The following CCSER1 variants were observed in gnomAD, a reference collection of about 807,000 sequenced individuals.
CCSER1 encodes the protein coiled-coil serine rich protein 1.
In CCSER1, 41 loss-of-function variants were observed where a neutral mutation model predicts 82.0. That is an observed-to-expected ratio of 0.50 (90% CI 0.39 to 0.65). The LOEUF (loss-of-function observed/expected upper bound fraction) is 0.65. CCSER1 is among the 30% of genes least tolerant of loss of function. The pLI, the probability that CCSER1 is intolerant of heterozygous loss-of-function variation, is 0.00. For synonymous variants in CCSER1, 414 were observed against 383.9 expected, an observed-to-expected ratio of 1.08 and a Z score of -0.92; for missense variants, 1,119 against 1,064.2, an observed-to-expected ratio of 1.05 and a Z score of -0.72.
At chr4:90,295,724 C>A (rs1032126258) in intron 1 of CCSER1, among the ~76,000 whole-genome samples, 1 of 152,006 alleles carries the variant, frequency 6.6e-6, no homozygotes, top group African/African-American at 2.4e-5. Flanking sequence ...CAAAGACCAG[C>A]CCCTGTCTTA....
At chr4:90,285,477 T>A (rs1272322068) in intron 1 of CCSER1, among the ~76,000 whole-genome samples, 1 of 152,122 alleles carries the variant, frequency 6.6e-6, no homozygotes, top group Non-Finnish European at 1.5e-5. Flanking sequence ...TACTGATTTT[T>A]GTATGTTGTT....
At chr4:90,548,867 C>T (rs1004158110) in intron 5 of CCSER1, among the ~76,000 whole-genome samples, 3 of 151,898 alleles carry the variant, frequency 2.0e-5, no homozygotes, top group South Asian at 2.1e-4. Context: ...TCAAAAGAAT[C>T]GTTTGAAAGA....
intron 10 of CCSER1, among the ~76,000 whole-genome samples, chr4:91,587,587 G>A (rs575399991): frequency 5.3e-5 from 8 of 151,538 alleles, no homozygotes; most frequent in East Asian, 3.9e-4. Context: ...TTTTTATTCC[G>A]TAAACGTAAC....
intron 10 of CCSER1, among the ~76,000 whole-genome samples, chr4:91,363,650 G>T (rs1254986978): frequency 6.6e-6 from 1 of 151,626 alleles, no homozygotes; most frequent in Admixed American, 6.6e-5. Context: ...AATATCTCCA[G>T]TTAGAGCTTT....
intron 9 of CCSER1, among the ~76,000 whole-genome samples, chr4:91,010,677 T>G (rs1365060050): frequency 7.4e-6 from 1 of 135,344 alleles, no homozygotes; most frequent in African/African-American, 2.5e-5. Flanking sequence ...TTCTTTCTTC[T>G]GATTCACCTA....
chr4:90,998,308 G>A (rs1581293306), intron 9 of CCSER1, among the ~76,000 whole-genome samples: 1 of 152,024 alleles, frequency 6.6e-6, no homozygotes, highest in African/African-American at 2.4e-5. Context: ...TCAAACTCCG[G>A]ACCTCAGGTG....
chr4:90,989,428 C>T (rs1253683346), intron 9 of CCSER1, among the ~76,000 whole-genome samples: 1 of 151,718 alleles, frequency 6.6e-6, no homozygotes, highest in Non-Finnish European at 1.5e-5. Flanking sequence ...AAAAGATCTG[C>T]TTATCCTCAC....
intron 4 of CCSER1, among the ~76,000 whole-genome samples, chr4:90,416,199 A>G (rs1289427383): frequency 1.3e-5 from 2 of 152,102 alleles, no homozygotes; most frequent in South Asian, 2.1e-4. Context: ...ATTCAATCTT[A>G]TTTATCAATT....
intron 8 of CCSER1, among the ~76,000 whole-genome samples, chr4:90,841,577 C>CAAAAAA (rs750390139): frequency 1.4e-4 from 7 of 50,780 alleles, no homozygotes; most frequent in South Asian, 7.2e-4. Flanking sequence ...GACTCTGTCT[C>CAAAAAA]AAAAAAAAAA....
intron 9 of CCSER1, among the ~76,000 whole-genome samples, chr4:91,058,299 A>G (rs1220601367): frequency 6.6e-6 from 1 of 152,050 alleles, no homozygotes; most frequent in East Asian, 1.9e-4. Context: ...ACCATGGAAT[A>G]CTATGCAGCT....
intron 9 of CCSER1, among the ~76,000 whole-genome samples, chr4:90,929,015 C>T (rs1407819378): frequency 6.6e-6 from 1 of 152,122 alleles, no homozygotes; most frequent in Non-Finnish European, 1.5e-5. Context: ...ATCAACCACA[C>T]AGTATTAATT....
chr4:90,909,586 GC>G (rs1726018986), intron 8 of CCSER1, among the ~76,000 whole-genome samples: 1 of 152,196 alleles, frequency 6.6e-6, no homozygotes, highest in Admixed American at 6.5e-5. Context: ...TTTCTATCAT[GC>G]CTTTCCTGAT....
intron 3 of CCSER1, among the ~76,000 whole-genome samples, chr4:90,395,048 G>A (rs563808691): frequency 1.3e-5 from 2 of 152,278 alleles, no homozygotes; most frequent in South Asian, 4.1e-4. Flanking sequence ...CTGAGGCTTT[G>A]TACTTTTGTC....
chr4:91,438,973 G>T (rs955005354), intron 10 of CCSER1, among the ~76,000 whole-genome samples: 1 of 152,144 alleles, frequency 6.6e-6, no homozygotes, highest in African/African-American at 2.4e-5. Flanking sequence ...AAGAAATATG[G>T]GACTATGTGA....
chr4:90,696,360 T>A (rs937197637), intron 6 of CCSER1, among the ~76,000 whole-genome samples: 2 of 151,910 alleles, frequency 1.3e-5, no homozygotes, highest in African/African-American at 4.8e-5. Context: ...TCTAATATGC[T>A]GGTATTTTAC....
intron 10 of CCSER1, among the ~76,000 whole-genome samples, chr4:91,253,277 C>T (rs1200732740): frequency 6.6e-6 from 1 of 152,046 alleles, no homozygotes; most frequent in Non-Finnish European, 1.5e-5. Flanking sequence ...GTTTTCTTTT[C>T]TCTGGCTTAC....
At chr4:90,710,562 C>T (rs148886989) in intron 6 of CCSER1, among the ~76,000 whole-genome samples, 136 of 152,202 alleles carry the variant, frequency 8.9e-4, no homozygotes, top group African/African-American at 3.1e-3. Flanking sequence ...AGCCAGTTCT[C>T]CCAGCACCAT....
At chr4:90,313,757 A>G (rs1292705658) in intron 3 of CCSER1, among the ~76,000 whole-genome samples, 1 of 152,118 alleles carries the variant, frequency 6.6e-6, no homozygotes, top group African/African-American at 2.4e-5. Context: ...GGCGAACTGC[A>G]GCCTTGGGTC....
At chr4:91,333,249 A>G (rs950159269) in intron 10 of CCSER1, among the ~76,000 whole-genome samples, 10 of 152,052 alleles carry the variant, frequency 6.6e-5, no homozygotes, top group African/African-American at 2.2e-4. Flanking sequence ...ATCATCTACC[A>G]CTGTGTATCA....
Sources: allele counts gnomAD v4.1 joint callset (sites outside exome capture counted in the v4.1 genomes callset), GRCh38; gene constraint gnomAD v4.1.1; transcripts MANE v1.5; gene names NCBI Gene and HGNC (gene_info 2026-07-23, HGNC 2026-07-21).